Variants in SLC16A7 observed in about 807,000 individuals in gnomAD.
The protein encoded by SLC16A7 is monocarboxylate transporter 2.
In SLC16A7, 33 loss-of-function variants were observed where a neutral mutation model predicts 34.9. The observed-to-expected ratio is 0.94, with a 90% CI of 0.72 to 1.26. SLC16A7 has a LOEUF of 1.26. SLC16A7 is among the 50% of genes most tolerant of loss of function. The pLI is 0.00. For synonymous variants in SLC16A7, 201 were observed against 206.6 expected (o/e 0.97, Z 0.23); for missense variants, 573 against 578.1 (o/e 0.99, Z 0.09).
intron 3 of SLC16A7, among the ~76,000 whole-genome samples, chr12:59,746,366 A>G (rs1878891467): frequency 6.6e-6 from 1 of 152,230 alleles, no homozygotes; most frequent in African/African-American, 2.4e-5. Flanking sequence ...ATTAAACAAT[A>G]TATATGACTC....
intron 2 of SLC16A7, among the ~76,000 whole-genome samples, chr12:59,672,200 A>ATATATGCATATATACGTATATATATG (rs1488815709): frequency 9.5e-5 from 3 of 31,486 alleles, no homozygotes; most frequent in African/African-American, 2.5e-4. Flanking sequence ...ACGTATATAT[A>ATATATGCATATATACGTATATATATG]CATATATACG....
rs1240220464 is a variant in SLC16A7, at chr12:59,780,479, G to C, written c.*800G>C. ...GATTTTTTTTGAGTAGGGAGCATTA[G>C]TACCTGGTGCTAGAGAATAGAACCC... On this transcript the variant is annotated 3_prime_UTR_variant, in exon 6 of 6. Transcript: ENST00000547379. The C allele has an allele frequency of 6.6e-6, 1 of 152,062 alleles. No homozygotes were observed. The highest frequency in any genetic ancestry group is 1.5e-5 in the Non-Finnish European group (1 of 67,996). The allele number at this position is 152,062 out of a possible 1,614,324, so 9.4% of individuals were successfully genotyped here.
chr12:59,642,438 A>G lies in SLC16A7; in HGVS notation c.-129-12714A>G, dbSNP rs148950660. Reference sequence around the variant, plus strand: ...TTCATAATTATGTTTCTTCATTTGCATCTCCTACTAGATTGTGACCTTTTT... The same window carrying G: ...TTCATAATTATGTTTCTTCATTTGCGTCTCCTACTAGATTGTGACCTTTTT... On this transcript the variant is annotated intron_variant, in intron 1 of 5. Coordinates refer to ENST00000547379, the MANE Select transcript of SLC16A7 (RefSeq NM_001270623.2). 3.4e-3 allele frequency among the ~76,000 whole-genome samples: 512 copies of G among 152,112 alleles called. 4 individuals carry two copies. The highest frequency in any genetic ancestry group is 0.017 in the Middle Eastern group (5 of 294).
chr12:59,628,403 T>C (rs1880021869), intron 1 of SLC16A7, among the ~76,000 whole-genome samples: 1 of 151,898 alleles, frequency 6.6e-6, no homozygotes, highest in South Asian at 2.1e-4. Context: ...AATACTCTGT[T>C]CTTTATATCT....
intron 2 of SLC16A7, among the ~76,000 whole-genome samples, chr12:59,693,796 T>C (rs764780218): frequency 2.0e-5 from 3 of 151,822 alleles, no homozygotes; most frequent in Non-Finnish European, 4.4e-5. Context: ...CGAAGAAGTA[T>C]AATTTTATGC....
At chr12:59,740,725 A>G (rs1476384254) in intron 3 of SLC16A7, among the ~76,000 whole-genome samples, 2 of 152,148 alleles carry the variant, frequency 1.3e-5, no homozygotes, top group Non-Finnish European at 2.9e-5. Context: ...ATCAGGCAGG[A>G]GAAGGAAATA....
At chr12:59,622,925 T>C (rs1417669970) in intron 1 of SLC16A7, among the ~76,000 whole-genome samples, 4 of 151,632 alleles carry the variant, frequency 2.6e-5, no homozygotes, top group Non-Finnish European at 4.4e-5. Context: ...TGGTGATCCA[T>C]CTGGTGTTCT....
chr12:59,616,357 A>G (rs1879448250), intron 1 of SLC16A7, among the ~76,000 whole-genome samples: 2 of 152,224 alleles, frequency 1.3e-5, no homozygotes, highest in Non-Finnish European at 2.9e-5. Flanking sequence ...AAAGAATGAT[A>G]ACAATTAAAA....
intron 3 of SLC16A7, among the ~76,000 whole-genome samples, chr12:59,754,262 A>T (rs1157719873): frequency 6.6e-6 from 1 of 152,212 alleles, no homozygotes; most frequent in Non-Finnish European, 1.5e-5. Flanking sequence ...AAATCAGAGC[A>T]GAACTGAAGG....
chr12:59,663,150 A>G lies in SLC16A7; in HGVS notation c.-31+7900A>G, dbSNP rs1327351359. 2.6e-5 allele frequency among the ~76,000 whole-genome samples: 4 copies of G among 151,948 alleles called. No homozygotes were observed. The East Asian group carries it at 7.7e-4, about 29-fold the overall frequency. On this transcript the variant is annotated intron_variant, in intron 2 of 5. Coordinates refer to ENST00000547379, the MANE Select transcript of SLC16A7 (RefSeq NM_001270623.2). ...TGTTCTTTATAGATCTTATCAAGCT[A>G]TTTTCTTGATAATATAATTTTTACA...
intron 3 of SLC16A7, among the ~76,000 whole-genome samples, chr12:59,757,276 A>ATAAAG (rs1880482904): frequency 1.3e-5 from 2 of 151,988 alleles, no homozygotes; most frequent in African/African-American, 4.8e-5. Context: ...ATAAAATAAA[A>ATAAAG]TAAAAAAAGA....
intron 2 of SLC16A7, among the ~76,000 whole-genome samples, chr12:59,671,735 T>C (rs984133071): frequency 2.1e-5 from 3 of 146,204 alleles, no homozygotes; most frequent in African/African-American, 7.5e-5. Context: ...TGTGTATATA[T>C]GTATATATGT....
chr12:59,635,638 T>G (rs566787987), intron 1 of SLC16A7, among the ~76,000 whole-genome samples: 199 of 152,162 alleles, frequency 1.3e-3, no homozygotes, highest in Middle Eastern at 3.4e-3. Context: ...TCCATGAAGG[T>G]TTTGTAAGGA....
chr12:59,765,744 T>C (rs1162637713), intron 3 of SLC16A7, among the ~76,000 whole-genome samples: 1 of 152,188 alleles, frequency 6.6e-6, no homozygotes, highest in Non-Finnish European at 1.5e-5. Context: ...AGCCTTGTAG[T>C]ATAGTTTGAA....
At chr12:59,714,547 C>A (rs1030779442) in intron 3 of SLC16A7, among the ~76,000 whole-genome samples, 2 of 148,966 alleles carry the variant, frequency 1.3e-5, no homozygotes, top group African/African-American at 4.9e-5. Context: ...CCCCTGGTGT[C>A]TTTCTCTCTC....
intron 3 of SLC16A7, among the ~76,000 whole-genome samples, chr12:59,751,849 G>A (rs1037832598): frequency 2.1e-4 from 32 of 152,280 alleles, no homozygotes; most frequent in African/African-American, 7.2e-4. Flanking sequence ...TAACTGGGAG[G>A]CACCCCGCAG....
At chr12:59,703,508 G>A (rs953716122) in intron 2 of SLC16A7, among the ~76,000 whole-genome samples, 1 of 152,112 alleles carries the variant, frequency 6.6e-6, no homozygotes, top group Non-Finnish European at 1.5e-5. Flanking sequence ...GTATGAGTAT[G>A]TGAAGAAGAC....
intron 2 of SLC16A7, chr12:59,689,573 A>G (rs1871405305): frequency 6.6e-6 from 1 of 151,964 alleles, no homozygotes; most frequent in Non-Finnish European, 1.5e-5. Flanking sequence ...CTCATCATTG[A>G]TATCAGGAGA....
At chr12:59,601,835 A>C (rs999537532) in intron 1 of SLC16A7, among the ~76,000 whole-genome samples, 2 of 152,200 alleles carry the variant, frequency 1.3e-5, no homozygotes, top group African/African-American at 4.8e-5. Flanking sequence ...TGCTAATCCC[A>C]TTCATGAGAG....
Sources: gnomAD v4.1 joint callset for allele counts (sites outside exome capture counted in the v4.1 genomes callset) on GRCh38, gnomAD v4.1.1 for gene constraint, MANE v1.5 for transcripts, NCBI Gene and HGNC (gene_info 2026-07-23, HGNC 2026-07-21) for gene names.